KCNK9: variants seen among roughly 807,000 people sequenced by gnomAD.
The protein encoded by KCNK9 is potassium channel subfamily K member 9.
In KCNK9, 1 loss-of-function variant was observed where a neutral mutation model predicts 10.8. The observed-to-expected ratio is 0.09, with a 90% CI of 0.03 to 0.44. KCNK9 has a LOEUF of 0.44. KCNK9 is among the 20% of genes least tolerant of loss of function. The pLI is 0.97. For synonymous variants in KCNK9, 231 were observed against 222.7 expected (o/e 1.04, Z -0.33); for missense variants, 303 against 515.0 (o/e 0.59, Z 3.98).
Position 139,629,869 on chromosome 8 carries a change from C to T in KCNK9, c.284-10770G>A, listed in dbSNP as rs192670264. ...AACCTCAATTACCTCTCCTAAAGGC[C>T]CCATCTCCAAATACGGTCACATTGG... On this transcript the variant is annotated intron_variant, in intron 1 of 1. Transcript: ENST00000520439. Among the ~76,000 whole-genome samples, 54 of 152,268 alleles carry T rather than the reference C, an allele frequency of 3.5e-4. 1 individual carries two copies. In the East Asian group the frequency reaches 9.3e-3, roughly 26 times the overall value.
rs563293754 is a variant in KCNK9, at chr8:139,680,252, G to A, written c.283+22458C>T. Among the ~76,000 whole-genome samples the A allele has an allele frequency of 4.3e-3, 662 of 152,336 alleles. 6 individuals carry two copies. Among genetic ancestry groups the A allele is most frequent in the African/African-American group, 0.015 (628 of 41,574 alleles). ...ACAAGTTCCCGTGTCTGGGTCTTCTGGGGGTGGCAGAGGGGGCAGGCGGGG... is the reference window on the plus strand; with the variant it reads ...ACAAGTTCCCGTGTCTGGGTCTTCTAGGGGTGGCAGAGGGGGCAGGCGGGG... On this transcript the variant is annotated intron_variant, in intron 1 of 1. Transcript: ENST00000520439.
At chr8:139,663,648 C>CGTGTGTGTGT (rs34660685) in intron 1 of KCNK9, among the ~76,000 whole-genome samples, 5,976 of 137,480 alleles carry the variant, frequency 0.043, 147 homozygotes, top group East Asian at 0.088. Flanking sequence ...CGCGTGCGCA[C>CGTGTGTGTGT]GTGTGTGTGT....
chr8:139,620,721 C>T (rs910159786), intron 1 of KCNK9, among the ~76,000 whole-genome samples: 1 of 152,204 alleles, frequency 6.6e-6, no homozygotes, highest in African/African-American at 2.4e-5. Context: ...GGCCCTCAAT[C>T]CCAGCTAGCG....
intron 1 of KCNK9, among the ~76,000 whole-genome samples, chr8:139,651,879 G>A (rs1289293283): frequency 6.6e-6 from 1 of 152,118 alleles, no homozygotes; most frequent in East Asian, 1.9e-4. Context: ...TTGATCTGGA[G>A]TCAGTATCTC....
intron 1 of KCNK9, among the ~76,000 whole-genome samples, chr8:139,686,999 C>A (rs1162896164): frequency 2.0e-5 from 3 of 151,584 alleles, no homozygotes; most frequent in Non-Finnish European, 2.9e-5. Context: ...AATAAATAAA[C>A]CTAAAGAATG....
chr8:139,690,787 T>A (rs1816919919), intron 1 of KCNK9, among the ~76,000 whole-genome samples: 1 of 152,166 alleles, frequency 6.6e-6, no homozygotes, highest in Non-Finnish European at 1.5e-5. Context: ...CTTGGGCAAG[T>A]CACCAGATCT....
chr8:139,646,953 T>G (rs1004748762), intron 1 of KCNK9, among the ~76,000 whole-genome samples: 2 of 152,340 alleles, frequency 1.3e-5, no homozygotes, highest in South Asian at 2.1e-4. Flanking sequence ...GTCCTAACAC[T>G]GGCCGCCAGC....
At chr8:139,609,106 A>ACCCCCCCCCCCCC (rs1554617339), downstream of KCNK9, among the ~76,000 whole-genome samples, 3 of 123,946 alleles carry the variant, frequency 2.4e-5, no homozygotes, top group Middle Eastern at 4.0e-3. Context: ...GACCCATCCC[A>ACCCCCCCCCCCCC]CCCCACCCCG....
chr8:139,640,973 T>C (rs777296495), intron 1 of KCNK9, among the ~76,000 whole-genome samples: 14 of 152,236 alleles, frequency 9.2e-5, no homozygotes, highest in Admixed American at 2.0e-4. Context: ...TCACAGGTTT[T>C]TAAGAATTAT....
Position 139,618,117 on chromosome 8 carries a change from GA to G in KCNK9, c.*140del. On this transcript the variant is annotated 3_prime_UTR_variant, in exon 2 of 2. Coordinates refer to ENST00000520439, the MANE Select transcript of KCNK9 (RefSeq NM_001282534.2). This position sits in a 1 kb window ranked among gnomAD's most constrained non-coding sequence, Gnocchi z 7.9. ...GAAAGGTGGGGGAAAATGAGACCAAGAGACCAAGAAAGGAGGAAGGAGAGAA... is the reference window on the plus strand; with the variant it reads ...GAAAGGTGGGGGAAAATGAGACCAAGGACCAAGAAAGGAGGAAGGAGAGAA... 1 of 1,223,770 alleles carries G rather than the reference GA, an allele frequency of 8.2e-7. No individual in the cohort carries two copies. Among genetic ancestry groups the G allele is most frequent in the Non-Finnish European group, 1.1e-6 (1 of 874,448 alleles). 75.8% of individuals were successfully genotyped at this position (1,223,770 alleles called of 1,614,324 possible).
chr8:139,624,480 A>G (rs149839837), intron 1 of KCNK9, among the ~76,000 whole-genome samples: 1 of 152,200 alleles, frequency 6.6e-6, no homozygotes, highest in East Asian at 1.9e-4. Context: ...TGGCCCCTGC[A>G]TCACTCAGTG....
At chr8:139,701,832 C>T (rs1817227191) in intron 1 of KCNK9, among the ~76,000 whole-genome samples, 1 of 152,200 alleles carries the variant, frequency 6.6e-6, no homozygotes, top group Non-Finnish European at 1.5e-5. Flanking sequence ...GGGGACACTG[C>T]CCTCGGGACC....
intron 1 of KCNK9, among the ~76,000 whole-genome samples, chr8:139,668,307 G>T (rs961149384): frequency 6.6e-6 from 1 of 151,608 alleles, no homozygotes; most frequent in African/African-American, 2.4e-5. Flanking sequence ...TAACAAATCT[G>T]GACATGTACC....
At chr8:139,701,669 C>T (rs140020085) in intron 1 of KCNK9, among the ~76,000 whole-genome samples, 26 of 152,282 alleles carry the variant, frequency 1.7e-4, no homozygotes, top group Non-Finnish European at 3.4e-4. Context: ...GAGAGGCAGC[C>T]TGCCTCACTG....
chr8:139,701,555 G>T (rs1439709220), intron 1 of KCNK9, among the ~76,000 whole-genome samples: 1 of 152,094 alleles, frequency 6.6e-6, no homozygotes, highest in Non-Finnish European at 1.5e-5. Flanking sequence ...GGGGAAGGAG[G>T]AGGTCCCTGC....
At chr8:139,667,406 C>T (rs1227563235) in intron 1 of KCNK9, among the ~76,000 whole-genome samples, 2 of 152,118 alleles carry the variant, frequency 1.3e-5, no homozygotes, top group South Asian at 2.1e-4. Flanking sequence ...TGCATAAAAA[C>T]GGTCCCCACA....
At chr8:139,642,761 G>T (rs1302055788) in intron 1 of KCNK9, among the ~76,000 whole-genome samples, 1 of 152,234 alleles carries the variant, frequency 6.6e-6, no homozygotes, top group African/African-American at 2.4e-5. Flanking sequence ...GGCAGGAGGG[G>T]ACAGTACTGT....
chr8:139,637,785 A>ACACACACACACACACACACACACACACAC (rs3032725), intron 1 of KCNK9, among the ~76,000 whole-genome samples: 5 of 149,668 alleles, frequency 3.3e-5, no homozygotes, highest in African/African-American at 9.8e-5. Flanking sequence ...ACACACACAC[A>ACACACACACACACACACACACACACACAC]ATAATAGTAA....
chr8:139,674,281 C>T (rs1204248359), intron 1 of KCNK9, among the ~76,000 whole-genome samples: 2 of 152,174 alleles, frequency 1.3e-5, no homozygotes, highest in East Asian at 1.9e-4. Flanking sequence ...GTCTGCCATG[C>T]GAGGATACAG....
Sources: gnomAD v4.1 joint callset for allele counts (sites outside exome capture counted in the v4.1 genomes callset) on GRCh38, gnomAD v4.1.1 for gene constraint, Gnocchi (gnomAD v3.1) non-coding constraint, MANE v1.5 for transcripts, NCBI Gene and HGNC (gene_info 2026-07-23, HGNC 2026-07-21) for gene names.